DNAJC1: variants seen among roughly 807,000 people sequenced by gnomAD.
DNAJC1 encodes dnaJ homolog subfamily C member 1.
DNAJC1 carries 58 observed loss-of-function variants against 76.6 expected under a neutral mutation model. The ratio of observed to expected loss-of-function variants is 0.76; its 90% confidence interval spans 0.61 to 0.94. DNAJC1 has a LOEUF of 0.94. DNAJC1 is among the 40% of genes least tolerant of loss of function. DNAJC1 has a pLI of 0.00. For synonymous variants in DNAJC1, 258 were observed against 267.9 expected, an observed-to-expected ratio of 0.96 and a Z score of 0.36; for missense variants, 689 against 677.3, an observed-to-expected ratio of 1.02 and a Z score of -0.19.
At chr10:21,996,323 C>G (rs1052934024) in intron 1 of DNAJC1, among the ~76,000 whole-genome samples, 1 of 152,156 alleles carries the variant, frequency 6.6e-6, no homozygotes, top group Admixed American at 6.5e-5. Context: ...TGAGAGAGAG[C>G]ATAACAAAGC....
chr10:21,823,232 A>C (rs1564798145), intron 8 of DNAJC1, among the ~76,000 whole-genome samples: 1 of 152,206 alleles, frequency 6.6e-6, no homozygotes, highest in Non-Finnish European at 1.5e-5. Flanking sequence ...TTATGAGCTT[A>C]AGAGCTGCTT....
intron 8 of DNAJC1, among the ~76,000 whole-genome samples, chr10:21,851,580 T>G (rs1458887996): frequency 1.3e-5 from 2 of 152,118 alleles, no homozygotes; most frequent in Non-Finnish European, 2.9e-5. Context: ...AGGTTGATGG[T>G]ACATCAAAAA....
intron 8 of DNAJC1, among the ~76,000 whole-genome samples, chr10:21,818,657 T>C (rs1309566485): frequency 6.6e-6 from 1 of 152,148 alleles, no homozygotes; most frequent in African/African-American, 2.4e-5. Flanking sequence ...GTCCCTTTAT[T>C]TCTCAACCTG....
chr10:21,924,431 G>T, intron 3 of DNAJC1, among the ~76,000 whole-genome samples: 1 of 151,932 alleles, frequency 6.6e-6, no homozygotes, highest in Non-Finnish European at 1.5e-5. Context: ...TGCACAACTG[G>T]GTTAGCAAAA....
At chr10:21,973,647 A>C (rs760308859) in intron 1 of DNAJC1, among the ~76,000 whole-genome samples, 4 of 152,204 alleles carry the variant, frequency 2.6e-5, no homozygotes, top group Non-Finnish European at 5.9e-5. Context: ...GTGTTTCAAA[A>C]CAAATGTGTG....
intron 8 of DNAJC1, among the ~76,000 whole-genome samples, chr10:21,880,935 C>T (rs1344570898): frequency 6.6e-6 from 1 of 152,224 alleles, no homozygotes; most frequent in African/African-American, 2.4e-5. Flanking sequence ...GTTTCATTTA[C>T]ATTGAAAATC....
chr10:21,832,527 A>G (rs1835376162), intron 8 of DNAJC1, among the ~76,000 whole-genome samples: 1 of 152,070 alleles, frequency 6.6e-6, no homozygotes, highest in Non-Finnish European at 1.5e-5. Flanking sequence ...ATATTTTTTT[A>G]ATGGTAACTG....
At chr10:21,999,963 A>T (rs896337911) in intron 1 of DNAJC1, among the ~76,000 whole-genome samples, 4 of 152,144 alleles carry the variant, frequency 2.6e-5, no homozygotes, top group African/African-American at 9.7e-5. Context: ...ATACCAGCTC[A>T]ACTTCAACGT....
chr10:21,756,629 T>C lies in DNAJC1; in HGVS notation c.*58A>G, dbSNP rs1834178279. 2 of 1,366,046 alleles carry C rather than the reference T, an allele frequency of 1.5e-6. No individual in the cohort carries two copies. The highest frequency in any genetic ancestry group is 2.1e-6 in the Non-Finnish European group (2 of 957,840). The allele number at this position is 1,366,046 out of a possible 1,614,324, so 84.6% of individuals were successfully genotyped here. On this transcript the variant is annotated 3_prime_UTR_variant, in exon 12 of 12. Coordinates refer to ENST00000376980, the MANE Select transcript of DNAJC1 (RefSeq NM_022365.4). Reference sequence around the variant, plus strand: ...GAGGTACAAAATGCAAATTTCTGCATAAGATTTTTAAGATATTCATTTTGG... The same window carrying C: ...GAGGTACAAAATGCAAATTTCTGCACAAGATTTTTAAGATATTCATTTTGG...
Position 21,759,180 on chromosome 10 carries a change from G to A in DNAJC1, c.1586C>T (p.Ser529Phe). ...RWDKIARCVP[S>F]KSKEDCIARY... ...TTCCCCATCACTCACCTTGCTCTTG[G>A]ACGGGACACATCTGGCTATTTTGTC... The change falls in exon 11 of 12, where the codon TCC (serine) becomes TTC (phenylalanine). Residue 529 changes from serine to phenylalanine, a missense_variant. Ser to Phe is a radical substitution (Grantham distance 155). Coordinates refer to ENST00000376980, the MANE Select transcript of DNAJC1 (RefSeq NM_022365.4). 6 of 1,613,256 alleles carry A rather than the reference G, an allele frequency of 3.7e-6. No individual in the cohort carries two copies. Among genetic ancestry groups the A allele is most frequent in the Non-Finnish European group, 5.1e-6 (6 of 1,179,552 alleles).
intron 10 of DNAJC1, among the ~76,000 whole-genome samples, chr10:21,760,652 TTAAG>T (rs953420118): frequency 6.6e-6 from 1 of 152,240 alleles, no homozygotes; most frequent in Non-Finnish European, 1.5e-5. Flanking sequence ...TACTGAGGAA[TTAAG>T]TTTTTAACTT....
At chr10:21,769,221 G>A (rs1277426266) in intron 9 of DNAJC1, among the ~76,000 whole-genome samples, 2 of 152,158 alleles carry the variant, frequency 1.3e-5, no homozygotes, top group African/African-American at 4.8e-5. Flanking sequence ...CTCTGGCCCT[G>A]ACTTCTACCT....
At chr10:22,002,575 G>T (rs571115229) in intron 1 of DNAJC1, among the ~76,000 whole-genome samples, 1 of 152,228 alleles carries the variant, frequency 6.6e-6, no homozygotes, top group Non-Finnish European at 1.5e-5. Flanking sequence ...CCTCCAACCT[G>T]GTTAGACGCT....
chr10:21,952,918 G>T (rs1027899999), intron 1 of DNAJC1, among the ~76,000 whole-genome samples: 1 of 152,054 alleles, frequency 6.6e-6, no homozygotes, highest in African/African-American at 2.4e-5. Flanking sequence ...ACCATACAGG[G>T]TCATTCTCAG....
intron 6 of DNAJC1, among the ~76,000 whole-genome samples, chr10:21,907,752 G>A (rs1008661641): frequency 9.2e-5 from 14 of 151,616 alleles, no homozygotes; most frequent in Admixed American, 7.9e-4. Flanking sequence ...CCAGGTGGGC[G>A]GATCACTTGA....
chr10:21,902,114 G>A (rs1367065997), intron 7 of DNAJC1, among the ~76,000 whole-genome samples: 2 of 152,068 alleles, frequency 1.3e-5, no homozygotes, highest in Non-Finnish European at 2.9e-5. Flanking sequence ...AAAGAAGCAT[G>A]CAAGATAACA....
Position 21,766,312 on chromosome 10 carries a change from G to T in DNAJC1, c.1099-3C>A. On this transcript the variant is annotated splice_region_variant and splice_polypyrimidine_tract_variant and intron_variant, in intron 9 of 11. Transcript: ENST00000376980. ...AGTTGCTTGGCTTTGGTTGTCACCT[G>T]TTTCAAAACATAAAAGCAAAAATCT... is the stretch of plus-strand genomic sequence containing the variant. 1 of 1,613,356 alleles carries T rather than the reference G, an allele frequency of 6.2e-7. No homozygotes were observed. The highest frequency in any genetic ancestry group is 8.5e-7 in the Non-Finnish European group (1 of 1,179,300).
chr10:21,873,996 A>C (rs765281474), intron 8 of DNAJC1, among the ~76,000 whole-genome samples: 5 of 152,260 alleles, frequency 3.3e-5, no homozygotes, highest in Non-Finnish European at 1.5e-5. Context: ...ATGTTCACAC[A>C]GACTTGTATT....
At chr10:21,968,580 G>A (rs992921112) in intron 1 of DNAJC1, among the ~76,000 whole-genome samples, 8 of 150,808 alleles carry the variant, frequency 5.3e-5, no homozygotes, top group Admixed American at 2.0e-4. Flanking sequence ...CGACGATCTC[G>A]GCTCACTGCA....
Sources: gnomAD v4.1 joint callset for allele counts (sites outside exome capture counted in the v4.1 genomes callset) on GRCh38, gnomAD v4.1.1 for gene constraint, MANE v1.5 for transcripts, NCBI Gene and HGNC (gene_info 2026-07-23, HGNC 2026-07-21) for gene names.